The following PCLO variants were observed in gnomAD, a reference collection of about 807,000 sequenced individuals.
PCLO encodes piccolo presynaptic cytomatrix protein.
In PCLO, 82 loss-of-function variants were observed where a neutral mutation model predicts 427.5. The observed-to-expected ratio is 0.19, with a 90% confidence interval of 0.16 to 0.23. The LOEUF (loss-of-function observed/expected upper bound fraction) is 0.23, where lower values mean the gene tolerates loss of function less well. PCLO is among the 10% of genes least tolerant of loss of function. The pLI is 1.00. For synonymous variants in PCLO, 2,357 were observed against 2,155.4 expected (o/e 1.09, Z -2.59); for missense variants, 6,239 against 6,115.9 (o/e 1.02, Z -0.67).
At chr7:83,035,916 A>G (rs1317054989) in intron 3 of PCLO, among the ~76,000 whole-genome samples, 1 of 152,160 alleles carries the variant, frequency 6.6e-6, no homozygotes, top group African/African-American at 2.4e-5. Flanking sequence ...TGAAAAATTG[A>G]GGCACAAGCA....
intron 3 of PCLO, among the ~76,000 whole-genome samples, chr7:83,067,249 A>C (rs1789692053): frequency 1.3e-5 from 2 of 152,154 alleles, no homozygotes; most frequent in Non-Finnish European, 2.9e-5. Flanking sequence ...CACATCATTG[A>C]GATGCTGTAA....
chr7:82,845,450 G>C lies in PCLO; in HGVS notation c.13867C>G (p.Gln4623Glu). The change falls in exon 13 of 25, where the codon CAG becomes GAG. Residue 4623 changes from glutamine to glutamate, a missense_variant. Physicochemically the swap from Gln to Glu is conservative, Grantham distance 29. Around this residue, in one of 5 missense-constraint regions of PCLO, gnomAD observed 877 missense variants for 925.5 expected, o/e 0.95. Coordinates refer to ENST00000333891, the MANE Select transcript of PCLO (RefSeq NM_033026.6). The part of the protein sequence containing the change: ...KAKSPGVDPK[Q>E]LAAELQKVSL... ...ACCTTCTGGAGTTCTGCTGCCAACTGCTTAGGATCAACCCCTGGGGATTTC... is the reference window on the plus strand; with the variant it reads ...ACCTTCTGGAGTTCTGCTGCCAACTCCTTAGGATCAACCCCTGGGGATTTC... 1.2e-6 allele frequency: 2 copies of C among 1,612,838 alleles called. No individual in the cohort carries two copies. The highest frequency in any genetic ancestry group is 1.7e-6 in the Non-Finnish European group (2 of 1,179,334).
chr7:83,159,829 A>C (rs899132576), intron 1 of PCLO, among the ~76,000 whole-genome samples: 1 of 151,984 alleles, frequency 6.6e-6, no homozygotes, highest in South Asian at 2.1e-4. Flanking sequence ...ATGAATATCT[A>C]TGCATTTATG....
At chr7:83,104,171 A>AAAAAT (rs939901097) in intron 3 of PCLO, among the ~76,000 whole-genome samples, 2 of 111,946 alleles carry the variant, frequency 1.8e-5, no homozygotes, top group Admixed American at 1.0e-4. Context: ...AGTGTTTTAG[A>AAAAAT]AAAATAAAGA....
chr7:82,882,167 T>G (rs972205320), intron 9 of PCLO, among the ~76,000 whole-genome samples: 18 of 152,182 alleles, frequency 1.2e-4, no homozygotes, highest in African/African-American at 4.3e-4. Flanking sequence ...ATAGTTGTAC[T>G]GTAATGTTTT....
At chr7:82,791,133 C>T (rs1583978532) in intron 22 of PCLO, among the ~76,000 whole-genome samples, 1 of 152,088 alleles carries the variant, frequency 6.6e-6, no homozygotes, top group African/African-American at 2.4e-5. Context: ...GAATTGGGTT[C>T]ACCAGATTTT....
chr7:82,976,994 A>G (rs1796031512), intron 3 of PCLO, among the ~76,000 whole-genome samples: 1 of 152,184 alleles, frequency 6.6e-6, no homozygotes. Flanking sequence ...TTCTGGGATT[A>G]CAGGTATGAG....
At chr7:82,873,655 A>T (rs919623175) in intron 10 of PCLO, among the ~76,000 whole-genome samples, 3 of 152,144 alleles carry the variant, frequency 2.0e-5, no homozygotes, top group Non-Finnish European at 4.4e-5. Context: ...TTGAGTTGAG[A>T]TTTTAACTTC....
intron 3 of PCLO, among the ~76,000 whole-genome samples, chr7:83,028,182 T>A (rs1788556326): frequency 6.6e-6 from 1 of 152,166 alleles, no homozygotes; most frequent in African/African-American, 2.4e-5. Flanking sequence ...TCTTTGCAGA[T>A]GACATGATTG....
At chr7:82,841,029 A>G (rs1389999846) in intron 14 of PCLO, among the ~76,000 whole-genome samples, 1 of 151,738 alleles carries the variant, frequency 6.6e-6, no homozygotes, top group Non-Finnish European at 1.5e-5. Flanking sequence ...CAAAGCAGTT[A>G]TGACTTATGC....
intron 8 of PCLO, among the ~76,000 whole-genome samples, chr7:82,906,006 TATAGATAGATAGATAGATAGATAG>T (rs35608595): frequency 6.8e-6 from 1 of 146,628 alleles, no homozygotes; most frequent in African/African-American, 2.6e-5. Context: ...AGGTTAAGCA[TATAGATAGATAGATAGATAGATAG>T]ATAGATAGAT....
rs1207133357 is a variant in PCLO, at chr7:82,763,617, A to T, written c.15008-2124T>A. Among the ~76,000 whole-genome samples, 4 of 152,194 alleles carry T rather than the reference A, an allele frequency of 2.6e-5. No individual in the cohort carries two copies. In the East Asian group the frequency reaches 7.7e-4, roughly 29 times the overall value. On this transcript the variant is annotated intron_variant, in intron 22 of 24. Transcript: ENST00000333891. Reference sequence around the variant, plus strand: ...GCAACTGTTTGATGAAATTAGCTTAAAATTTGTAAGTCCAGATATACCCTT... The same window carrying T: ...GCAACTGTTTGATGAAATTAGCTTATAATTTGTAAGTCCAGATATACCCTT...
At chr7:82,951,740 C>T in intron 5 of PCLO, 116 bp downstream of exon 5, 3 of 1,414,324 alleles carry the variant, frequency 2.1e-6, no homozygotes, top group Non-Finnish European at 2.8e-6. Context: ...CTATAACATC[C>T]AAAGAAAGAG....
chr7:82,803,521 T>C (rs1791401459), intron 21 of PCLO, among the ~76,000 whole-genome samples: 2 of 152,218 alleles, frequency 1.3e-5, no homozygotes, highest in South Asian at 4.1e-4. Context: ...AGCCAATATG[T>C]GTAGTAAGTA....
At chr7:83,064,340 T>G (rs892827783) in intron 3 of PCLO, among the ~76,000 whole-genome samples, 3 of 152,078 alleles carry the variant, frequency 2.0e-5, no homozygotes, top group Non-Finnish European at 2.9e-5. Flanking sequence ...TAGACTAGTC[T>G]GACAAAATGC....
At chr7:83,010,695 T>A (rs1419212741) in intron 3 of PCLO, among the ~76,000 whole-genome samples, 1 of 151,754 alleles carries the variant, frequency 6.6e-6, no homozygotes, top group Non-Finnish European at 1.5e-5. Context: ...TTTATCCCTA[T>A]CTGAAGCATA....
At chr7:82,971,724 A>G (rs1795911581) in intron 3 of PCLO, among the ~76,000 whole-genome samples, 1 of 148,346 alleles carries the variant, frequency 6.7e-6, no homozygotes, top group Non-Finnish European at 1.5e-5. Context: ...AAAAGCCACA[A>G]TTACTTTTGT....
Position 83,022,538 on chromosome 7 carries a change from C to T in PCLO, c.3301-56051G>A, listed in dbSNP as rs147271735. Among the ~76,000 whole-genome samples the T allele has an allele frequency of 8.4e-3, 1,277 of 152,152 alleles. 6 individuals are homozygous for T. The highest frequency in any genetic ancestry group is 0.014 in the Non-Finnish European group (925 of 68,002). ...CATAGGATTGTTTTTCGAATCACCACCTAATATTGTTGGCAAATCCTAGCC... is the reference window on the plus strand; with the variant it reads ...CATAGGATTGTTTTTCGAATCACCATCTAATATTGTTGGCAAATCCTAGCC... On this transcript the variant is annotated intron_variant, in intron 3 of 24. Coordinates refer to ENST00000333891, the MANE Select transcript of PCLO (RefSeq NM_033026.6).
At chr7:82,999,046 C>T (rs974131898) in intron 3 of PCLO, among the ~76,000 whole-genome samples, 32 of 148,076 alleles carry the variant, frequency 2.2e-4, no homozygotes, top group African/African-American at 7.7e-4. Flanking sequence ...ATGAAAGATG[C>T]CTTTGATAGG....
Sources: gnomAD v4.1 joint callset for allele counts (sites outside exome capture counted in the v4.1 genomes callset) on GRCh38, gnomAD v4.1.1 for gene constraint, gnomAD v4.1.1 regional missense constraint, MANE v1.5 for transcripts, NCBI Gene and HGNC (gene_info 2026-07-23, HGNC 2026-07-21) for gene names.